STPG2: variants seen among roughly 807,000 people sequenced by gnomAD.
STPG2 encodes the protein sperm-tail PG-rich repeat-containing protein 2.
Under a neutral mutation model 54.2 loss-of-function variants are expected in STPG2, and 56 were observed. The ratio of observed to expected loss-of-function variants is 1.03; its 90% CI spans 0.83 to 1.29. STPG2 has a LOEUF of 1.29. Ranked by LOEUF, STPG2 falls within the 50% of genes most tolerant of loss-of-function variation. The probability of loss-of-function intolerance (pLI) is 0.00; values close to 1 mark genes in which losing one functional copy is unlikely to be tolerated. For synonymous variants in STPG2, 200 were observed against 181.8 expected, an observed-to-expected ratio of 1.10 and a Z score of -0.81; for missense variants, 596 against 544.9, an observed-to-expected ratio of 1.09 and a Z score of -0.93.
At chr4:98,087,039 A>G (rs1011898200) in intron 5 of STPG2, among the ~76,000 whole-genome samples, 3 of 152,240 alleles carry the variant, frequency 2.0e-5, no homozygotes, top group East Asian at 3.8e-4. Context: ...GAAAAATTAA[A>G]TAACATGTCT....
intron 5 of STPG2, among the ~76,000 whole-genome samples, chr4:98,003,659 T>A (rs1047569121): frequency 2.0e-5 from 3 of 152,086 alleles, no homozygotes; most frequent in African/African-American, 7.2e-5. Context: ...GCTCATATGA[T>A]CGTGTGTTTT....
intron 10 of STPG2, among the ~76,000 whole-genome samples, chr4:97,652,244 A>G (rs991749499): frequency 6.6e-6 from 1 of 151,952 alleles, no homozygotes; most frequent in Non-Finnish European, 1.5e-5. Flanking sequence ...AAGTGCTAGC[A>G]TGTCCTCTAA....
intron 9 of STPG2, among the ~76,000 whole-genome samples, chr4:97,779,079 G>A (rs1726499545): frequency 6.6e-6 from 1 of 152,192 alleles, no homozygotes; most frequent in Non-Finnish European, 1.5e-5. Flanking sequence ...AAAGCTGGGT[G>A]GAGAATGGTT....
intron 10 of STPG2, among the ~76,000 whole-genome samples, chr4:97,563,164 G>C (rs1732309085): frequency 6.6e-6 from 1 of 152,264 alleles, no homozygotes; most frequent in African/African-American, 2.4e-5. Flanking sequence ...TCCTGATTTA[G>C]TCTTGGGAGG....
At chr4:97,667,079 G>A (rs180675347) in intron 10 of STPG2, among the ~76,000 whole-genome samples, 3 of 152,282 alleles carry the variant, frequency 2.0e-5, no homozygotes, top group African/African-American at 4.8e-5. Flanking sequence ...CACTTTGGTG[G>A]TGGTAGTTGT....
intron 5 of STPG2, among the ~76,000 whole-genome samples, chr4:98,077,236 T>TGTG (rs1406744973): frequency 6.6e-6 from 1 of 151,562 alleles, no homozygotes; most frequent in Admixed American, 6.6e-5. Flanking sequence ...TTGTTGTTGT[T>TGTG]GTTGTTGTTG....
intron 4 of STPG2, among the ~76,000 whole-genome samples, chr4:97,510,524 G>A (rs1054075119): frequency 6.6e-6 from 1 of 152,066 alleles, no homozygotes; most frequent in Non-Finnish European, 1.5e-5. Flanking sequence ...TGGGGTTACT[G>A]AACCTAAAAC....
intron 10 of STPG2, among the ~76,000 whole-genome samples, chr4:97,612,267 A>T (rs565818788): frequency 6.6e-6 from 1 of 151,972 alleles, no homozygotes; most frequent in African/African-American, 2.4e-5. Context: ...AAAACAAAAA[A>T]AAACACAACA....
At chr4:98,106,822 T>C (rs928051056) in intron 4 of STPG2, among the ~76,000 whole-genome samples, 6 of 152,170 alleles carry the variant, frequency 3.9e-5, no homozygotes, top group African/African-American at 1.4e-4. Flanking sequence ...TGTTAGCTAT[T>C]ATTATTGCAA....
intron 5 of STPG2, among the ~76,000 whole-genome samples, chr4:98,046,695 G>A (rs1449243155): frequency 6.6e-6 from 1 of 152,144 alleles, no homozygotes; most frequent in African/African-American, 2.4e-5. Flanking sequence ...GGGAGAAACT[G>A]GTAGCTAATT....
intron 10 of STPG2, among the ~76,000 whole-genome samples, chr4:97,675,189 G>C (rs1722802656): frequency 6.6e-6 from 1 of 152,084 alleles, no homozygotes. Context: ...TTTTAGTAGA[G>C]ATGGGGTTTC....
At chr4:98,114,476 A>G (rs1183859486) in intron 3 of STPG2, among the ~76,000 whole-genome samples, 1 of 152,108 alleles carries the variant, frequency 6.6e-6, no homozygotes, top group Non-Finnish European at 1.5e-5. Context: ...ACATTTGTCA[A>G]AAAATCAGTA....
At chr4:97,610,781 G>T (rs1457863449) in intron 10 of STPG2, among the ~76,000 whole-genome samples, 1 of 151,916 alleles carries the variant, frequency 6.6e-6, no homozygotes, top group Non-Finnish European at 1.5e-5. Flanking sequence ...TTGATGACTG[G>T]CAAATACGAC....
intron 10 of STPG2, among the ~76,000 whole-genome samples, chr4:97,647,406 G>A (rs537745370): frequency 8.5e-5 from 13 of 152,184 alleles, no homozygotes; most frequent in African/African-American, 2.2e-4. Flanking sequence ...TAACTGAGAA[G>A]GCTGAAAGCA....
At chr4:97,909,039 T>A (rs1411336175) in intron 8 of STPG2, among the ~76,000 whole-genome samples, 1 of 148,066 alleles carries the variant, frequency 6.8e-6, no homozygotes, top group Non-Finnish European at 1.5e-5. Flanking sequence ...ATAATAATAA[T>A]AATAAGTTGT....
At chr4:97,636,477 GA>G (rs1220091457) in intron 10 of STPG2, among the ~76,000 whole-genome samples, 1 of 144,694 alleles carries the variant, frequency 6.9e-6, no homozygotes, top group Non-Finnish European at 1.5e-5. Flanking sequence ...CAGAAGGCAA[GA>G]AATAACTAAA....
At chr4:97,540,911 T>A (rs918229948) in intron 4 of STPG2, among the ~76,000 whole-genome samples, 1 of 151,860 alleles carries the variant, frequency 6.6e-6, no homozygotes, top group Non-Finnish European at 1.5e-5. Flanking sequence ...CTTTGACAGT[T>A]TTCAACAGCC....
At chr4:97,724,108 C>T (rs1724544717) in intron 9 of STPG2, among the ~76,000 whole-genome samples, 1 of 152,102 alleles carries the variant, frequency 6.6e-6, no homozygotes, top group Non-Finnish European at 1.5e-5. Context: ...TTTCCTTATC[C>T]ATTTGTCTTG....
rs111346193 is a variant in STPG2, at chr4:97,778,399, C to T, written c.1204+62374G>A. Among the ~76,000 whole-genome samples the T allele has an allele frequency of 5.5e-3, 843 of 152,272 alleles. 4 individuals carry two copies. Among genetic ancestry groups the T allele is most frequent in the Middle Eastern group, 0.02 (6 of 294 alleles). ...GCGAGGCTGGGGGAGGGGCGTCCAACATTGCTGAGGCTTGAGTAGGTAAAC... is the reference window on the plus strand; with the variant it reads ...GCGAGGCTGGGGGAGGGGCGTCCAATATTGCTGAGGCTTGAGTAGGTAAAC... On this transcript the variant is annotated intron_variant, in intron 9 of 10. Transcript: ENST00000295268.
Sources: allele counts gnomAD v4.1 joint callset (sites outside exome capture counted in the v4.1 genomes callset), GRCh38; gene constraint gnomAD v4.1.1; transcripts MANE v1.5; gene names NCBI Gene and HGNC (gene_info 2026-07-23, HGNC 2026-07-21).